KIAA1217: variants seen among roughly 807,000 people sequenced by gnomAD.
KIAA1217 encodes the protein KIAA1217.
A neutral mutation model predicts 163.9 loss-of-function variants in KIAA1217; 88 were observed. That is an observed-to-expected ratio of 0.54 (90% CI 0.45 to 0.64). The LOEUF (loss-of-function observed/expected upper bound fraction) is 0.64. KIAA1217 is among the 30% of genes least tolerant of loss of function. The pLI is 0.00. For synonymous variants in KIAA1217, 903 were observed against 923.1 expected, an observed-to-expected ratio of 0.98 and a Z score of 0.39; for missense variants, 2,372 against 2,475.0, an observed-to-expected ratio of 0.96 and a Z score of 0.88.
At chr10:24,287,566 C>G (rs1473890551) in intron 2 of KIAA1217, among the ~76,000 whole-genome samples, 1 of 152,172 alleles carries the variant, frequency 6.6e-6, no homozygotes. Context: ...ATAAAAAATA[C>G]TATGTTCTTT....
intron 2 of KIAA1217, chr10:24,158,333 G>A: frequency 1.5e-6 from 1 of 677,296 alleles, no homozygotes; most frequent in Non-Finnish European, 2.8e-6. Flanking sequence ...ACTTCAGAAG[G>A]TCACCTTGAT....
At chr10:24,293,567 C>T (rs1042024029) in intron 2 of KIAA1217, among the ~76,000 whole-genome samples, 21 of 152,094 alleles carry the variant, frequency 1.4e-4, no homozygotes, top group Non-Finnish European at 2.8e-4. Flanking sequence ...GCTTGGCAGC[C>T]GTCAGGCTGA....
At chr10:24,399,136 A>C (rs560478954) in intron 3 of KIAA1217, among the ~76,000 whole-genome samples, 1 of 152,216 alleles carries the variant, frequency 6.6e-6, no homozygotes, top group African/African-American at 2.4e-5. Flanking sequence ...GTACATAGCC[A>C]GTGAGATCAT....
chr10:24,081,849 A>G (rs1189625631), intron 2 of KIAA1217, among the ~76,000 whole-genome samples: 1 of 152,206 alleles, frequency 6.6e-6, no homozygotes, highest in African/African-American at 2.4e-5. Context: ...ACAGAGCAAG[A>G]AAACTAAGGC....
intron 1 of KIAA1217, among the ~76,000 whole-genome samples, chr10:23,893,919 G>C (rs1007835656): frequency 5.3e-5 from 8 of 151,856 alleles, no homozygotes; most frequent in Non-Finnish European, 1.0e-4. Flanking sequence ...TGCAGAAAAG[G>C]CCTTTGACAA....
chr10:24,408,502 A>G (rs1171319786), intron 3 of KIAA1217, among the ~76,000 whole-genome samples: 1 of 152,040 alleles, frequency 6.6e-6, no homozygotes, highest in African/African-American at 2.4e-5. Context: ...CCTTTCCTCT[A>G]TTCAATATAC....
intron 2 of KIAA1217, among the ~76,000 whole-genome samples, chr10:24,182,956 A>G (rs2066250992): frequency 6.6e-6 from 1 of 152,162 alleles, no homozygotes; most frequent in Non-Finnish European, 1.5e-5. Context: ...GCATTAGGAG[A>G]TGGGATATAG....
intron 1 of KIAA1217, among the ~76,000 whole-genome samples, chr10:23,717,148 G>A (rs904723273): frequency 3.3e-5 from 5 of 152,028 alleles, no homozygotes; most frequent in Admixed American, 2.0e-4. Context: ...CTATCTTTAC[G>A]TCTTCACCTT....
chr10:24,031,946 C>T (rs1244637745), intron 2 of KIAA1217, among the ~76,000 whole-genome samples: 1 of 152,160 alleles, frequency 6.6e-6, no homozygotes, highest in Non-Finnish European at 1.5e-5. Flanking sequence ...GCATACTTCC[C>T]ACTGCCATTA....
chr10:24,381,094 G>A, intron 3 of KIAA1217, 27 bp downstream of exon 3: 1 of 1,482,194 alleles, frequency 6.7e-7, no homozygotes, highest in Non-Finnish European at 9.0e-7. Flanking sequence ...AGTTTCTGAT[G>A]CCCCTTTCTT....
intron 2 of KIAA1217, among the ~76,000 whole-genome samples, chr10:24,040,001 T>C (rs1441466204): frequency 6.6e-6 from 1 of 152,178 alleles, no homozygotes; most frequent in Non-Finnish European, 1.5e-5. Context: ...AAGTGTGCTA[T>C]AATAAGACGT....
intron 2 of KIAA1217, among the ~76,000 whole-genome samples, chr10:24,131,055 G>T (rs915619278): frequency 1.3e-5 from 2 of 152,180 alleles, no homozygotes; most frequent in Non-Finnish European, 2.9e-5. Context: ...TTTAGTTAAA[G>T]AATTATTACA....
chr10:24,458,975 C>T (rs1231568288), intron 5 of KIAA1217, among the ~76,000 whole-genome samples: 2 of 152,172 alleles, frequency 1.3e-5, no homozygotes, highest in African/African-American at 4.8e-5. Context: ...AGGTCAGTAT[C>T]ACCTGGGGAC....
intron 1 of KIAA1217, among the ~76,000 whole-genome samples, chr10:23,752,973 A>G (rs1358173315): frequency 6.6e-6 from 1 of 152,190 alleles, no homozygotes; most frequent in Non-Finnish European, 1.5e-5. Context: ...AAAGAAGTTA[A>G]GTGCCTACCC....
At chr10:24,335,584 T>TTTTATTTATTTA (rs58982993) in intron 2 of KIAA1217, among the ~76,000 whole-genome samples, 5,988 of 138,362 alleles carry the variant, frequency 0.043, 163 homozygotes, top group East Asian at 0.079. Flanking sequence ...TTTTATCTTA[T>TTTTATTTATTTA]TTTATTTATT....
intron 6 of KIAA1217, among the ~76,000 whole-genome samples, chr10:24,477,095 A>G (rs7086007): frequency 0.11 from 16,992 of 152,186 alleles, 1,107 homozygotes; most frequent in East Asian, 0.16. Context: ...GACAAGGGTG[A>G]AGCTCATGCC....
chr10:23,756,533 A>G (rs1296966647), intron 1 of KIAA1217, among the ~76,000 whole-genome samples: 1 of 152,116 alleles, frequency 6.6e-6, no homozygotes, highest in South Asian at 2.1e-4. Context: ...ATGTTTGACT[A>G]TGTTTGTTTT....
chr10:23,857,992 G>T (rs974215298), intron 1 of KIAA1217, among the ~76,000 whole-genome samples: 1 of 151,554 alleles, frequency 6.6e-6, no homozygotes, highest in African/African-American at 2.4e-5. Context: ...GAGACTTCAA[G>T]TAGGAGACAG....
At chr10:23,775,283 C>G (rs1485653682) in intron 1 of KIAA1217, among the ~76,000 whole-genome samples, 48 of 152,000 alleles carry the variant, frequency 3.2e-4, no homozygotes, top group Admixed American at 3.1e-3. Flanking sequence ...AATAGGTTGG[C>G]TAACATGCAG....
Sources: allele counts gnomAD v4.1 joint callset (sites outside exome capture counted in the v4.1 genomes callset), GRCh38; gene constraint gnomAD v4.1.1; transcripts MANE v1.5; gene names NCBI Gene and HGNC (gene_info 2026-07-23, HGNC 2026-07-21).